UBA52: variants seen among roughly 807,000 people sequenced by gnomAD.
The protein encoded by UBA52 is ubiquitin A-52 residue ribosomal protein fusion product 1.
Under a neutral mutation model 15.3 loss-of-function variants are expected in UBA52, and 1 was observed. The observed-to-expected ratio is 0.07, with a 90% CI of 0.02 to 0.31. The LOEUF (loss-of-function observed/expected upper bound fraction) is 0.31, where lower values mean the gene tolerates loss of function less well. Among genes scored for constraint, UBA52 ranks in the 10% least tolerant of loss-of-function variants. UBA52 has a pLI of 1.00. For synonymous variants in UBA52, 50 were observed against 58.3 expected (o/e 0.86, Z 0.65); for missense variants, 87 against 168.0 (o/e 0.52, Z 2.66).
At chr19:18,570,716 T>G (rs1975450483), upstream of UBA52, among the ~76,000 whole-genome samples, 1 of 148,628 alleles carries the variant, frequency 6.7e-6, no homozygotes, top group African/African-American at 2.5e-5. Flanking sequence ...AGACGGAGTT[T>G]TGCTCTTGTT....
chr19:18,573,793 T>A, intron 3 of UBA52, 45 bp downstream of exon 3: 1 of 1,587,284 alleles, frequency 6.3e-7, no homozygotes, highest in South Asian at 1.1e-5. Flanking sequence ...GATCCCCAGG[T>A]CCTAGGAAAG....
At chr19:18,573,549 T>C in intron 2 of UBA52, 113 bp from the exon 3 acceptor site, 1 of 1,337,688 alleles carries the variant, frequency 7.5e-7, no homozygotes, top group Non-Finnish European at 1.1e-6. Flanking sequence ...TTTGTTATCT[T>C]CTACCTCAGT....
the UBA52 span, among the ~76,000 whole-genome samples, chr19:18,564,265 C>A: frequency 3.3e-5 from 5 of 152,112 alleles, no homozygotes; most frequent in Admixed American, 6.6e-5. Context: ...CAGACACAGA[C>A]CCTCCTGGCC....
chr19:18,564,809 C>G, the UBA52 span: 2 of 1,592,840 alleles, frequency 1.3e-6, no homozygotes, highest in South Asian at 2.2e-5. Context: ...GTCTTCTGGG[C>G]CAGGTTGGGC....
upstream of UBA52, chr19:18,568,316 G>C: frequency 2.1e-6 from 2 of 932,658 alleles, no homozygotes; most frequent in South Asian, 1.5e-5. Context: ...GGTGAGGGCA[G>C]CCGTTAGGGG....
chr19:18,573,520 C>G, intron 2 of UBA52, 117 bp downstream of exon 2: 1 of 1,289,808 alleles, frequency 7.8e-7, no homozygotes, highest in Non-Finnish European at 1.1e-6. Context: ...CCTTGCTTCT[C>G]CATGTGATCT....
At chr19:18,568,819 T>G, upstream of UBA52, 1 of 595,474 alleles carries the variant, frequency 1.7e-6, no homozygotes, top group Non-Finnish European at 3.0e-6. Context: ...TCTGGCTCCT[T>G]CCTTCCTCAG....
At chr19:18,570,544 ACT>A (rs1004324353), upstream of UBA52, among the ~76,000 whole-genome samples, 1 of 103,634 alleles carries the variant, frequency 9.6e-6, no homozygotes, top group African/African-American at 3.9e-5. Flanking sequence ...ATGGAGTCTC[ACT>A]CTGTCACCCA....
chr19:18,568,439 A>G (rs1243508999), upstream of UBA52: 7 of 1,613,874 alleles, frequency 4.3e-6, no homozygotes, highest in East Asian at 1.3e-4. Flanking sequence ...AAGAGGATGA[A>G]GACCCCATCC....
chr19:18,574,357 G>A (rs1258962693), intron 3 of UBA52, among the ~76,000 whole-genome samples: 2 of 151,772 alleles, frequency 1.3e-5, no homozygotes, highest in African/African-American at 4.8e-5. Flanking sequence ...GCAGTGACGC[G>A]ATCTCACTGT....
At chr19:18,573,269 A>G (rs1568428175) in intron 1 of UBA52, 24 bp from the exon 2 acceptor site, 3 of 1,608,708 alleles carry the variant, frequency 1.9e-6, no homozygotes, top group South Asian at 2.2e-5. Context: ...TCACCAGTCT[A>G]TCCTGCCTCC....
At chr19:18,573,579 G>T (rs1309561511) in intron 2 of UBA52, 83 bp from the exon 3 acceptor site, 1 of 1,469,750 alleles carries the variant, frequency 6.8e-7, no homozygotes, top group Admixed American at 1.7e-5. Context: ...GAGAAACTGG[G>T]GGTAGTGCTG....
the UBA52 span, among the ~76,000 whole-genome samples, chr19:18,564,655 G>C: frequency 2.6e-5 from 4 of 152,288 alleles, no homozygotes; most frequent in South Asian, 4.1e-4. Flanking sequence ...GGTAGACAAG[G>C]CTACATGAGA....
At chr19:18,567,277 G>C, upstream of UBA52, 1 of 1,230,974 alleles carries the variant, frequency 8.1e-7, no homozygotes, top group Non-Finnish European at 1.2e-6. Context: ...CTGAGACCAG[G>C]CTGTAATGGG....
At chr19:18,565,233 T>TG in the UBA52 span, 1 of 1,228,180 alleles carries the variant, frequency 8.1e-7, no homozygotes, top group African/African-American at 1.5e-5. Flanking sequence ...AGACAGAGTT[T>TG]TTTTTTTTTT....
chr19:18,568,409 A>C (rs1200106688), upstream of UBA52: 4 of 1,613,210 alleles, frequency 2.5e-6, no homozygotes, highest in South Asian at 4.4e-5. Context: ...CAGATATCCC[A>C]GAGGCATCCT....
chr19:18,575,336 TG>T lies in UBA52; in HGVS notation c.*190del. 1 of 637,134 alleles carries T rather than the reference TG, an allele frequency of 1.6e-6. No homozygotes were observed. Among genetic ancestry groups the T allele is most frequent in the Non-Finnish European group, 2.7e-6 (1 of 369,104 alleles). 39.5% of individuals were successfully genotyped at this position (637,134 alleles called of 1,614,324 possible). ...TCAGCACTCCATTCTGTGCCACCTG[TG>T]GGGTCTTCTGTCCTAGATTCTGTCA... On this transcript the variant is annotated 3_prime_UTR_variant, in exon 5 of 5. Transcript: ENST00000442744.
intron 3 of UBA52, among the ~76,000 whole-genome samples, chr19:18,573,964 A>G (rs1975642263): frequency 6.7e-6 from 1 of 148,482 alleles, no homozygotes; most frequent in African/African-American, 2.4e-5. Context: ...CAGCCTGGAC[A>G]ACGTGGTGAA....
At chr19:18,572,750 G>A (rs1975563812) in intron 1 of UBA52, 1 of 991,666 alleles carries the variant, frequency 1.0e-6, no homozygotes, top group South Asian at 4.3e-5. Flanking sequence ...GAGAGTTTTG[G>A]TGTAATTGAG....
Sources: gnomAD v4.1 joint callset for allele counts (sites outside exome capture counted in the v4.1 genomes callset) on GRCh38, gnomAD v4.1.1 for gene constraint, MANE v1.5 for transcripts, NCBI Gene and HGNC (gene_info 2026-07-23, HGNC 2026-07-21) for gene names.